STK32C: variants seen among roughly 807,000 people sequenced by gnomAD.
STK32C encodes the protein serine/threonine-protein kinase 32C.
A neutral mutation model predicts 56.5 loss-of-function variants in STK32C; 31 were observed. The ratio of observed to expected loss-of-function variants is 0.55; its 90% CI spans 0.41 to 0.74. The LOEUF (loss-of-function observed/expected upper bound fraction) is 0.74. Ranked by LOEUF, STK32C falls within the 30% of genes least tolerant of loss-of-function variation. The probability of loss-of-function intolerance (pLI) is 0.00; values close to 1 mark genes in which losing one functional copy is unlikely to be tolerated. For missense variants in STK32C, 544 were observed against 676.9 expected, an observed-to-expected ratio of 0.80 and a Z score of 2.18; for synonymous variants, 309 against 289.4, an observed-to-expected ratio of 1.07 and a Z score of -0.69.
intron 2 of STK32C, among the ~76,000 whole-genome samples, chr10:132,241,707 A>G (rs2063506389): frequency 6.6e-6 from 1 of 152,212 alleles, no homozygotes; most frequent in Non-Finnish European, 1.5e-5. Context: ...CTCACTGGTC[A>G]GCGAACCCTT....
chr10:132,304,955 G>A (rs903822383), intron 1 of STK32C, among the ~76,000 whole-genome samples: 2 of 152,120 alleles, frequency 1.3e-5, no homozygotes, highest in Non-Finnish European at 2.9e-5. Flanking sequence ...ACGGGCGAGC[G>A]CCCCCCAGGT....
chr10:132,265,928 G>A (rs917473314), intron 1 of STK32C, among the ~76,000 whole-genome samples: 1 of 152,172 alleles, frequency 6.6e-6, no homozygotes, highest in African/African-American at 2.4e-5. Flanking sequence ...GGCCGCTTGG[G>A]AAACTCAGGC....
chr10:132,264,537 G>A (rs946568789), intron 1 of STK32C, among the ~76,000 whole-genome samples: 2 of 152,236 alleles, frequency 1.3e-5, no homozygotes, highest in African/African-American at 2.4e-5. Flanking sequence ...GATGGTGAAA[G>A]AACGGCCTCA....
At position 132,224,535 on chromosome 10, in the gene STK32C, G is replaced by C. The variant is rs1221421857; in HGVS notation, c.877-12C>G. 1.9e-6 allele frequency: 3 copies of C among 1,585,118 alleles called. No homozygotes were observed. The highest frequency in any genetic ancestry group is 4.5e-5 in the East Asian group (2 of 44,008). Reference sequence around the variant, plus strand: ...ATGTCATAGGGCCTCTGGAGACAGGGAGGCAGTGCTGGGCAGGTCCTCCTG... The same window carrying C: ...ATGTCATAGGGCCTCTGGAGACAGGCAGGCAGTGCTGGGCAGGTCCTCCTG... On this transcript the variant is annotated splice_polypyrimidine_tract_variant and intron_variant, in intron 7 of 11. Transcript: ENST00000298630.
intron 2 of STK32C, among the ~76,000 whole-genome samples, chr10:132,235,493 TTAAAAAA>T (rs2063250935): frequency 2.8e-5 from 2 of 72,410 alleles, no homozygotes; most frequent in African/African-American, 5.1e-5. Context: ...AGACTCAGCC[TTAAAAAA>T]AAAAAAAAAA....
chr10:132,247,728 G>A (rs766474435), intron 1 of STK32C, among the ~76,000 whole-genome samples: 1 of 152,148 alleles, frequency 6.6e-6, no homozygotes, highest in African/African-American at 2.4e-5. Context: ...CTGTGGCCTT[G>A]GTCTCCTCTG....
At chr10:132,224,663 C>T (rs1273904374) in intron 7 of STK32C, 140 bp from the exon 8 acceptor site, 12 of 668,202 alleles carry the variant, frequency 1.8e-5, no homozygotes, top group Admixed American at 1.4e-4. Context: ...CACAGCCTGG[C>T]CTCCACCTGC....
intron 2 of STK32C, among the ~76,000 whole-genome samples, chr10:132,235,230 G>T (rs1007128866): frequency 6.6e-6 from 1 of 152,174 alleles, no homozygotes; most frequent in Admixed American, 6.5e-5. Flanking sequence ...AGGCGCTGTG[G>T]CTCACACCTG....
At position 132,228,131 on chromosome 10, in the gene STK32C, G is replaced by A. The variant is rs766277266; in HGVS notation, c.319-3C>T. 5 of 1,613,844 alleles carry A rather than the reference G, an allele frequency of 3.1e-6. No individual in the cohort carries two copies. The Admixed American group carries it at 5.0e-5, about 16-fold the overall frequency. ...TCCCGCTTCTGCACAATGCACACCT[G>A]GAGGGCACAGGGCTGTTCGGCAGGA... On this transcript the variant is annotated splice_polypyrimidine_tract_variant and splice_region_variant and intron_variant, in intron 2 of 11. Transcript: ENST00000298630.
chr10:132,311,305 G>C (rs1181685448), upstream of STK32C, among the ~76,000 whole-genome samples: 1 of 152,208 alleles, frequency 6.6e-6, no homozygotes, highest in Non-Finnish European at 1.5e-5. The surrounding 1 kb of genome is among the most constrained non-coding windows in gnomAD (Gnocchi z 4.4). Context: ...ACACATCTCA[G>C]AACTGACCCC....
At chr10:132,297,193 G>A (rs2065775018) in intron 1 of STK32C, among the ~76,000 whole-genome samples, 1 of 152,194 alleles carries the variant, frequency 6.6e-6, no homozygotes, top group Non-Finnish European at 1.5e-5. Flanking sequence ...CAATGACAGA[G>A]GACTCCCCTC....
rs201790118 is a variant in STK32C at position 132,225,519 on chromosome 10, G to A, written c.772+8C>T. On this transcript the variant is annotated splice_region_variant and intron_variant, in intron 6 of 11. Coordinates refer to ENST00000298630, the MANE Select transcript of STK32C (RefSeq NM_173575.4). ...CAGCTCCCATCTGGAACCCCAGCTC[G>A]GGCTCACCCATGTACGGCTTGGTGC... The A allele has an allele frequency of 1.3e-3, 2,159 of 1,613,744 alleles. 23 individuals carry two copies. In the South Asian group the frequency reaches 0.02, roughly 15 times the overall value.
At chr10:132,241,433 A>C (rs1226119905) in intron 2 of STK32C, among the ~76,000 whole-genome samples, 1 of 152,258 alleles carries the variant, frequency 6.6e-6, no homozygotes, top group East Asian at 1.9e-4. Context: ...TAACCATAGG[A>C]ACGACGTATC....
At chr10:132,291,834 C>A (rs1177137529) in intron 1 of STK32C, among the ~76,000 whole-genome samples, 2 of 151,928 alleles carry the variant, frequency 1.3e-5, no homozygotes, top group African/African-American at 4.8e-5. Flanking sequence ...ACCACATGGC[C>A]TCCATGTCCA....
chr10:132,254,261 A>G lies in STK32C; in HGVS notation c.263-8306T>C, dbSNP rs985699204. ...GAGGCAGAGGTTGCAGTGAGCCAAG[A>G]TCGCGCCTCTGCACTCCAGCCTGGG... On this transcript the variant is annotated intron_variant, in intron 1 of 11. Transcript: ENST00000298630. Among the ~76,000 whole-genome samples the G allele has an allele frequency of 2.9e-4, 44 of 152,050 alleles. 1 individual carries two copies. The highest frequency in any genetic ancestry group is 6.2e-4 in the Non-Finnish European group (42 of 68,000).
upstream of STK32C, chr10:132,307,968 C>G (rs1485126615): frequency 1.0e-6 from 1 of 1,002,216 alleles, no homozygotes; most frequent in Non-Finnish European, 1.2e-6. This position sits in a 1 kb window ranked among gnomAD's most constrained non-coding sequence, Gnocchi z 4.4. Flanking sequence ...GGAACCCGCC[C>G]CGTAGATTGC....
intron 2 of STK32C, among the ~76,000 whole-genome samples, chr10:132,238,229 G>A (rs1215149276): frequency 6.6e-6 from 1 of 152,198 alleles, no homozygotes; most frequent in Admixed American, 6.5e-5. Context: ...CCCACGGGAA[G>A]CTACACAGCA....
chr10:132,308,394 A>C (rs1590476743), upstream of STK32C, among the ~76,000 whole-genome samples: 1 of 152,222 alleles, frequency 6.6e-6, no homozygotes, highest in East Asian at 1.9e-4. Context: ...TCTTCGTGAA[A>C]ACAGCCGGCG....
chr10:132,265,129 A>G (rs369017728), intron 1 of STK32C, among the ~76,000 whole-genome samples: 4 of 93,628 alleles, frequency 4.3e-5, no homozygotes, highest in Non-Finnish European at 1.2e-4. Flanking sequence ...GGGGTGCCGC[A>G]AGGGCAGTGA....
Sources: allele counts gnomAD v4.1 joint callset (sites outside exome capture counted in the v4.1 genomes callset), GRCh38; gene constraint gnomAD v4.1.1; non-coding constraint Gnocchi (gnomAD v3.1); transcripts MANE v1.5; gene names NCBI Gene and HGNC (gene_info 2026-07-23, HGNC 2026-07-21).